DCC: variants seen among roughly 807,000 people sequenced by gnomAD.
DCC encodes the protein DCC netrin 1 receptor, also known as netrin receptor DCC.
Under a neutral mutation model 172.5 loss-of-function variants are expected in DCC, and 58 were observed. That is an observed-to-expected ratio of 0.34 (90% CI 0.27 to 0.42). The LOEUF (loss-of-function observed/expected upper bound fraction) is 0.42. Ranked by LOEUF, DCC falls within the 10% of genes least tolerant of loss-of-function variation. The pLI is 1.00. For synonymous variants in DCC, 709 were observed against 644.5 expected, an observed-to-expected ratio of 1.10 and a Z score of -1.52; for missense variants, 1,740 against 1,791.0, an observed-to-expected ratio of 0.97 and a Z score of 0.51.
intron 21 of DCC, among the ~76,000 whole-genome samples, chr18:53,420,197 T>C (rs1243088190): frequency 2.0e-5 from 3 of 152,150 alleles, no homozygotes; most frequent in African/African-American, 4.8e-5. Flanking sequence ...ACAACAGATA[T>C]GTTACATGTA....
intron 1 of DCC, among the ~76,000 whole-genome samples, chr18:52,658,512 A>C (rs1381578533): frequency 6.6e-6 from 1 of 152,132 alleles, no homozygotes; most frequent in Non-Finnish European, 1.5e-5. Flanking sequence ...AAATATTTTC[A>C]ATTTGGGTCA....
intron 7 of DCC, among the ~76,000 whole-genome samples, chr18:53,111,143 G>A (rs1279675957): frequency 7.3e-5 from 11 of 150,054 alleles, no homozygotes; most frequent in Admixed American, 1.3e-4. Context: ...GTAAGCTATC[G>A]CAAGGACAAA....
At chr18:53,428,422 A>AATATATATTACATATATAATATT (rs1180141879) in intron 21 of DCC, among the ~76,000 whole-genome samples, 1 of 31,522 alleles carries the variant, frequency 3.2e-5, no homozygotes, top group Non-Finnish European at 8.5e-5. Flanking sequence ...TATATAATAT[A>AATATATATTACATATATAATATT]ATATATTACA....
intron 2 of DCC, among the ~76,000 whole-genome samples, chr18:52,866,258 G>C (rs1010176071): frequency 6.6e-6 from 1 of 152,076 alleles, no homozygotes; most frequent in Non-Finnish European, 1.5e-5. Context: ...CTATATATCT[G>C]TTTGGTATCA....
chr18:53,174,738 A>G (rs2055064227), intron 8 of DCC, among the ~76,000 whole-genome samples: 1 of 147,532 alleles, frequency 6.8e-6, no homozygotes, highest in Non-Finnish European at 1.5e-5. Context: ...GCCGAATTCT[A>G]CCAGAGGTAC....
intron 1 of DCC, among the ~76,000 whole-genome samples, chr18:52,629,949 CAAAAAAAAAAAA>C (rs540334133): frequency 4.9e-5 from 2 of 40,902 alleles, no homozygotes; most frequent in East Asian, 1.8e-3. Context: ...GACTCCGTCT[CAAAAAAAAAAAA>C]AAAAAAAAAA....
intron 1 of DCC, among the ~76,000 whole-genome samples, chr18:52,465,663 A>G (rs1988763757): frequency 6.6e-6 from 1 of 152,136 alleles, no homozygotes; most frequent in Non-Finnish European, 1.5e-5. Flanking sequence ...CTAGACCACT[A>G]GCCTGGATCC....
chr18:52,700,942 G>A (rs1358796305), intron 1 of DCC, among the ~76,000 whole-genome samples: 1 of 152,194 alleles, frequency 6.6e-6, no homozygotes. Flanking sequence ...TCCAATGGGA[G>A]TTAATAATTA....
At position 53,103,970 on chromosome 18, in the gene DCC, C is replaced by A. The variant is rs552894682; in HGVS notation, c.1261+37804C>A. 5.1e-4 allele frequency among the ~76,000 whole-genome samples: 77 copies of A among 151,994 alleles called. 1 individual carries two copies. The South Asian group carries it at 0.015, about 30-fold the overall frequency. ...TGGGGTATACAATTTAAGGGGATTC[C>A]AAAGCACTCTGTAATCAAGATAATA... On this transcript the variant is annotated intron_variant, in intron 7 of 28. Transcript: ENST00000442544.
chr18:53,514,837 C>A (rs920622486), intron 27 of DCC, among the ~76,000 whole-genome samples: 23 of 151,988 alleles, frequency 1.5e-4, no homozygotes, highest in African/African-American at 5.6e-4. Context: ...AGTCCAGGAC[C>A]AGATGGATTC....
At chr18:52,594,767 G>C (rs79861491) in intron 1 of DCC, among the ~76,000 whole-genome samples, 1 of 152,066 alleles carries the variant, frequency 6.6e-6, no homozygotes, top group Non-Finnish European at 1.5e-5. Context: ...GCAAGAGAGC[G>C]TAGCAAGGGA....
At chr18:52,567,569 G>A (rs2033188184) in intron 1 of DCC, among the ~76,000 whole-genome samples, 1 of 152,076 alleles carries the variant, frequency 6.6e-6, no homozygotes, top group African/African-American at 2.4e-5. Flanking sequence ...GAAACAGAAA[G>A]ACAAATACCA....
chr18:52,797,311 A>G (rs1326010600), intron 2 of DCC, among the ~76,000 whole-genome samples: 1 of 152,126 alleles, frequency 6.6e-6, no homozygotes, highest in African/African-American at 2.4e-5. Context: ...TGGAGGCATC[A>G]TGTTTCCTTT....
At chr18:52,939,950 A>G (rs769030570) in intron 5 of DCC, among the ~76,000 whole-genome samples, 9 of 143,454 alleles carry the variant, frequency 6.3e-5, no homozygotes, top group Non-Finnish European at 9.2e-5. Context: ...TATAATGTGT[A>G]TTTCTCAATG....
At chr18:52,371,685 C>T (rs564085254) in intron 1 of DCC, among the ~76,000 whole-genome samples, 1 of 152,264 alleles carries the variant, frequency 6.6e-6, no homozygotes, top group Admixed American at 6.5e-5. Context: ...GTTCGTTTGT[C>T]ATGGAATCAT....
chr18:53,385,197 G>C (rs1175535684), intron 15 of DCC, among the ~76,000 whole-genome samples: 1 of 151,958 alleles, frequency 6.6e-6, no homozygotes, highest in Non-Finnish European at 1.5e-5. Flanking sequence ...CAATAGACAG[G>C]GTTCAGCAAA....
chr18:52,848,988 C>T (rs1183843019), intron 2 of DCC, among the ~76,000 whole-genome samples: 1 of 152,204 alleles, frequency 6.6e-6, no homozygotes, highest in African/African-American at 2.4e-5. Flanking sequence ...CCCATCTAAA[C>T]TCTCAGAAAA....
At chr18:52,945,810 T>G (rs977383185) in intron 5 of DCC, among the ~76,000 whole-genome samples, 3 of 152,214 alleles carry the variant, frequency 2.0e-5, no homozygotes, top group Non-Finnish European at 4.4e-5. Context: ...AAATGTAGCC[T>G]ACAGGCTTTG....
At chr18:53,232,067 A>G (rs2056129945) in intron 12 of DCC, among the ~76,000 whole-genome samples, 1 of 152,104 alleles carries the variant, frequency 6.6e-6, no homozygotes, top group African/African-American at 2.4e-5. Flanking sequence ...CTGTCCCTCT[A>G]TAACGTCTGC....
Sources: allele counts gnomAD v4.1 joint callset (sites outside exome capture counted in the v4.1 genomes callset), GRCh38; gene constraint gnomAD v4.1.1; transcripts MANE v1.5; gene names NCBI Gene and HGNC (gene_info 2026-07-23, HGNC 2026-07-21).